UNC13B: variants seen among roughly 807,000 people sequenced by gnomAD.
The protein encoded by UNC13B is unc-13 homolog B, also known as protein unc-13 homolog B.
A neutral mutation model predicts 211.0 loss-of-function variants in UNC13B; 144 were observed. The observed-to-expected ratio is 0.68, with a 90% CI of 0.60 to 0.78. The LOEUF (loss-of-function observed/expected upper bound fraction) is 0.78. UNC13B is among the 30% of genes least tolerant of loss of function. The pLI, the probability that UNC13B is intolerant of heterozygous loss-of-function variation, is 0.00. For synonymous variants in UNC13B, 709 were observed against 725.8 expected, an observed-to-expected ratio of 0.98 and a Z score of 0.37; for missense variants, 1,777 against 2,002.0, an observed-to-expected ratio of 0.89 and a Z score of 2.14.
intron 13 of UNC13B, among the ~76,000 whole-genome samples, chr9:35,371,329 T>G (rs1462176352): frequency 6.6e-6 from 1 of 151,376 alleles, no homozygotes; most frequent in Non-Finnish European, 1.5e-5. Flanking sequence ...ATCTTCTCCT[T>G]TCTCTCTCTT....
Position 35,400,178 on chromosome 9 carries a change from G to A in UNC13B, c.12337-118G>A. 2.1e-6 allele frequency: 3 copies of A among 1,414,258 alleles called. No homozygotes were observed. In the South Asian group the frequency reaches 4.2e-5, roughly 20 times the overall value. The allele number at this position is 1,414,258 out of a possible 1,614,324, so 87.6% of individuals were successfully genotyped here. A position where few individuals can be genotyped will look rare whatever the true frequency, so the allele number is the denominator to read the frequency against. ...ATCCAAGAGCCTATGCTCTGGTTCTGTGGGTGTTCCTGAACAGCCTATTCT... is the reference window on the plus strand; with the variant it reads ...ATCCAAGAGCCTATGCTCTGGTTCTATGGGTGTTCCTGAACAGCCTATTCT... On this transcript the variant is annotated intron_variant, in intron 36 of 39. Transcript: ENST00000635942.
intron 22 of UNC13B, chr9:35,385,161 G>T: frequency 5.1e-6 from 5 of 985,390 alleles, no homozygotes; most frequent in Non-Finnish European, 6.0e-6. Flanking sequence ...TAAGACTCGT[G>T]CCAAAGTGAA....
intron 1 of UNC13B, among the ~76,000 whole-genome samples, chr9:35,204,945 C>G (rs970810831): frequency 6.6e-6 from 1 of 152,132 alleles, no homozygotes; most frequent in African/African-American, 2.4e-5. Context: ...GCCTCTGTGC[C>G]TCCCACAAAT....
rs1314700110 is a variant in UNC13B, at chr9:35,301,758, C to T, written c.2354C>T (p.Thr785Ile). The T allele has an allele frequency of 2.5e-6, 1 of 398,830 alleles. No individual in the cohort carries two copies. Among genetic ancestry groups the T allele is most frequent in the Non-Finnish European group, 4.4e-6 (1 of 225,916 alleles). 24.7% of individuals were successfully genotyped at this position (398,830 alleles called of 1,614,324 possible). The change falls in exon 9 of 40, where the codon ACT (threonine) becomes ATT (isoleucine). Residue 785 changes from threonine (T) to isoleucine (I), a missense_variant. Transcript: ENST00000635942. ...PGHPCIAGSRTANKEVFSKPL... is the reference protein window; with the variant it reads ...PGHPCIAGSRIANKEVFSKPL... ...CATCCTTGTATAGCTGGCAGTAGAA[C>T]TGCAAATAAAGAGGTATTTTCAAAG...
At chr9:35,232,656 G>A (rs1012782261) in intron 3 of UNC13B, among the ~76,000 whole-genome samples, 2 of 152,132 alleles carry the variant, frequency 1.3e-5, no homozygotes, top group Admixed American at 6.5e-5. Flanking sequence ...GTAGGATAGG[G>A]ATTAATATCA....
At chr9:35,254,300 A>G (rs1826685522) in intron 6 of UNC13B, among the ~76,000 whole-genome samples, 1 of 152,194 alleles carries the variant, frequency 6.6e-6, no homozygotes, top group Non-Finnish European at 1.5e-5. Context: ...GTTCTGGAGG[A>G]TGGGAAGTCT....
At chr9:35,225,988 TC>T in intron 1 of UNC13B, among the ~76,000 whole-genome samples, 1 of 152,190 alleles carries the variant, frequency 6.6e-6, no homozygotes, top group Non-Finnish European at 1.5e-5. Context: ...GATAAGCTAG[TC>T]CCTAGACCTC....
intron 11 of UNC13B, among the ~76,000 whole-genome samples, chr9:35,357,051 T>C (rs925498231): frequency 3.3e-5 from 5 of 152,332 alleles, no homozygotes; most frequent in South Asian, 2.1e-4. Context: ...AACATTTGTA[T>C]ACAAGTTTTT....
intron 1 of UNC13B, among the ~76,000 whole-genome samples, chr9:35,202,954 G>A (rs922800804): frequency 6.6e-6 from 1 of 151,878 alleles, no homozygotes; most frequent in South Asian, 2.1e-4. Context: ...CAACGTGCCC[G>A]GCTAATTTTT....
chr9:35,243,155 C>A, intron 5 of UNC13B, 136 bp from the exon 6 acceptor site: 1 of 773,704 alleles, frequency 1.3e-6, no homozygotes, highest in Non-Finnish European at 2.2e-6. Context: ...ATGACAAGAA[C>A]CAAACCATCA....
At chr9:35,312,628 A>T (rs1830233691) in intron 10 of UNC13B, among the ~76,000 whole-genome samples, 1 of 152,236 alleles carries the variant, frequency 6.6e-6, no homozygotes, top group Admixed American at 6.5e-5. Flanking sequence ...CAAATGTTTT[A>T]CAACAGTTGA....
chr9:35,230,669 A>G (rs1467430956), intron 2 of UNC13B, among the ~76,000 whole-genome samples: 1 of 151,744 alleles, frequency 6.6e-6, no homozygotes, highest in Non-Finnish European at 1.5e-5. Context: ...ATTTTATTAA[A>G]TTTACGTACC....
chr9:35,182,245 C>T (rs552323228), intron 1 of UNC13B, among the ~76,000 whole-genome samples: 2 of 152,188 alleles, frequency 1.3e-5, no homozygotes, highest in South Asian at 4.1e-4. Flanking sequence ...ATTGCTGCTT[C>T]TAGTGCATTT....
At chr9:35,387,218 A>G (rs1835246848) in intron 24 of UNC13B, among the ~76,000 whole-genome samples, 2 of 152,234 alleles carry the variant, frequency 1.3e-5, no homozygotes, top group Non-Finnish European at 1.5e-5. Context: ...GAAAAGCTAC[A>G]TAAAACAAGG....
At chr9:35,206,658 G>A (rs1198289913) in intron 1 of UNC13B, among the ~76,000 whole-genome samples, 3 of 152,008 alleles carry the variant, frequency 2.0e-5, no homozygotes, top group Admixed American at 6.6e-5. Context: ...GGTGGATCAC[G>A]AGGTCAAGAG....
At position 35,319,402 on chromosome 9, in the gene UNC13B, C is replaced by CAAA. The variant is rs74176715; in HGVS notation, c.9414+5445_9414+5447dup. Among the ~76,000 whole-genome samples, 30 of 56,196 alleles carry CAAA rather than the reference C, an allele frequency of 5.3e-4. 1 individual carries two copies. The highest frequency in any genetic ancestry group is 1.3e-3 in the African/African-American group (16 of 11,908). The allele number at this position is 56,196 out of a possible 152,430, so 36.9% of individuals were successfully genotyped here. A position where few individuals can be genotyped will look rare whatever the true frequency, so the allele number is the denominator to read the frequency against. On this transcript the variant is annotated intron_variant, in intron 11 of 39. Transcript: ENST00000635942. ...TAGGTGACAGAGTGAGACCCTATCT[C>CAAA]AAAAAAAAAAAAAAAAAAAAAAAAA...
intron 7 of UNC13B, among the ~76,000 whole-genome samples, chr9:35,290,560 T>C (rs897471230): frequency 2.0e-5 from 3 of 151,510 alleles, no homozygotes; most frequent in African/African-American, 7.3e-5. Flanking sequence ...AACAGCAAAA[T>C]TGACTATCTT....
At chr9:35,335,775 G>A (rs899441078) in intron 11 of UNC13B, among the ~76,000 whole-genome samples, 5 of 150,030 alleles carry the variant, frequency 3.3e-5, no homozygotes, top group East Asian at 2.0e-4. Flanking sequence ...CTGTAACCTC[G>A]AACTCCTGGG....
intron 1 of UNC13B, among the ~76,000 whole-genome samples, chr9:35,182,257 T>G (rs1301069603): frequency 6.6e-6 from 1 of 152,118 alleles, no homozygotes; most frequent in Non-Finnish European, 1.5e-5. Context: ...AGTGCATTTT[T>G]ATACTTTTTC....
Sources: allele counts gnomAD v4.1 joint callset (sites outside exome capture counted in the v4.1 genomes callset), GRCh38; gene constraint gnomAD v4.1.1; transcripts MANE v1.5; gene names NCBI Gene and HGNC (gene_info 2026-07-23, HGNC 2026-07-21).